CLASP1: variants seen among roughly 807,000 people sequenced by gnomAD.
CLASP1 encodes cytoplasmic linker associated protein 1.
In CLASP1, 38 loss-of-function variants were observed where a neutral mutation model predicts 192.3. The ratio of observed to expected loss-of-function variants is 0.20; its 90% CI spans 0.15 to 0.26. The LOEUF (loss-of-function observed/expected upper bound fraction) is 0.26, where lower values mean the gene tolerates loss of function less well. Among genes scored for constraint, CLASP1 ranks in the 10% least tolerant of loss-of-function variants. CLASP1 has a pLI of 1.00. For missense variants in CLASP1, 1,433 were observed against 1,932.5 expected, an observed-to-expected ratio of 0.74 and a Z score of 4.85; for synonymous variants, 691 against 712.8, an observed-to-expected ratio of 0.97 and a Z score of 0.49.
intron 28 of CLASP1, among the ~76,000 whole-genome samples, chr2:121,400,066 T>C (rs1297119225): frequency 2.0e-5 from 3 of 152,182 alleles, no homozygotes; most frequent in Non-Finnish European, 2.9e-5. Flanking sequence ...AGCCCCTCAG[T>C]CAATCTTGGC....
chr2:121,612,145 G>A (rs1283871174), intron 1 of CLASP1, among the ~76,000 whole-genome samples: 1 of 151,236 alleles, frequency 6.6e-6, no homozygotes, highest in Non-Finnish European at 1.5e-5. Flanking sequence ...AGAGGAACTG[G>A]AGGAGGAGGA....
intron 7 of CLASP1, among the ~76,000 whole-genome samples, chr2:121,513,915 G>A (rs924556885): frequency 1.8e-4 from 28 of 152,210 alleles, no homozygotes; most frequent in African/African-American, 6.3e-4. Flanking sequence ...CTCTCAGAAG[G>A]AAAGCAGGTA....
chr2:121,388,799 A>G (rs1216622882), intron 30 of CLASP1, among the ~76,000 whole-genome samples: 1 of 152,230 alleles, frequency 6.6e-6, no homozygotes, highest in African/African-American at 2.4e-5. Flanking sequence ...AAAGACATAA[A>G]AAACTGTCTG....
chr2:121,437,079 C>T (rs1559186590), intron 19 of CLASP1, among the ~76,000 whole-genome samples: 1 of 152,154 alleles, frequency 6.6e-6, no homozygotes, highest in African/African-American at 2.4e-5. Context: ...CCCCCTGCCC[C>T]AGCCTCACAA....
chr2:121,374,010 A>G (rs2069369941), intron 34 of CLASP1, among the ~76,000 whole-genome samples: 2 of 152,274 alleles, frequency 1.3e-5, no homozygotes, highest in African/African-American at 2.4e-5. Flanking sequence ...GGATGTTAAT[A>G]GCCAAGACAA....
At chr2:121,616,207 G>A (rs2066438415) in intron 1 of CLASP1, among the ~76,000 whole-genome samples, 1 of 152,140 alleles carries the variant, frequency 6.6e-6, no homozygotes, top group Admixed American at 6.6e-5. Context: ...AACACTTTGG[G>A]AGGCCAGGGC....
At chr2:121,490,272 C>T (rs1343019116) in intron 8 of CLASP1, 1 of 454,568 alleles carries the variant, frequency 2.2e-6, no homozygotes, top group South Asian at 1.6e-5. Context: ...GAATAGCCTA[C>T]CTTTCCCAGT....
intron 1 of CLASP1, among the ~76,000 whole-genome samples, chr2:121,611,016 G>A (rs2065335597): frequency 2.0e-5 from 3 of 146,446 alleles, no homozygotes; most frequent in Non-Finnish European, 4.5e-5. Context: ...AGGAGTTACA[G>A]GAGGAAGAGG....
At chr2:121,615,210 A>G (rs890222700) in intron 1 of CLASP1, among the ~76,000 whole-genome samples, 2 of 152,068 alleles carry the variant, frequency 1.3e-5, no homozygotes, top group African/African-American at 2.4e-5. Flanking sequence ...CATAGGGCGC[A>G]CGCCTGTAAT....
At chr2:121,447,240 G>A (rs2084528166) in intron 19 of CLASP1, 97 bp downstream of exon 19, 2 of 1,138,992 alleles carry the variant, frequency 1.8e-6, no homozygotes. Flanking sequence ...ACAACAGTGA[G>A]ACTTGCCTCA....
chr2:121,448,835 G>T, intron 17 of CLASP1, 118 bp downstream of exon 17: 1 of 984,360 alleles, frequency 1.0e-6, no homozygotes. Flanking sequence ...TCTACCTCAA[G>T]TAAGGGGGCG....
chr2:121,633,619 G>A (rs1286387546), intron 1 of CLASP1, among the ~76,000 whole-genome samples: 1 of 152,104 alleles, frequency 6.6e-6, no homozygotes, highest in African/African-American at 2.4e-5. Context: ...TTCTCAAAAT[G>A]AGAACATGAC....
chr2:121,532,394 G>T (rs1435258108), intron 2 of CLASP1: 1 of 152,208 alleles, frequency 6.6e-6, no homozygotes, highest in Non-Finnish European at 1.5e-5. Context: ...GTATGAAGTG[G>T]AGGAGTAACT....
At chr2:121,624,262 T>C (rs140498927) in intron 1 of CLASP1, among the ~76,000 whole-genome samples, 32 of 152,352 alleles carry the variant, frequency 2.1e-4, no homozygotes, top group African/African-American at 6.3e-4. Flanking sequence ...CTTTTTTTAA[T>C]ACAAGCATTT....
At chr2:121,418,969 G>T (rs1018292236) in intron 22 of CLASP1, among the ~76,000 whole-genome samples, 1 of 152,186 alleles carries the variant, frequency 6.6e-6, no homozygotes, top group East Asian at 1.9e-4. Context: ...TCAGTACGAA[G>T]GTGAAATTAC....
At chr2:121,639,101 C>T (rs1165587926) in intron 1 of CLASP1, among the ~76,000 whole-genome samples, 1 of 151,912 alleles carries the variant, frequency 6.6e-6, no homozygotes, top group Non-Finnish European at 1.5e-5. Flanking sequence ...ACAGTGAAAC[C>T]CTGTCTCTAC....
At chr2:121,475,064 A>G (rs181436893) in intron 8 of CLASP1, among the ~76,000 whole-genome samples, 1 of 152,320 alleles carries the variant, frequency 6.6e-6, no homozygotes, top group Admixed American at 6.5e-5. Context: ...AATCACATCT[A>G]TACAATAACA....
At position 121,383,931 on chromosome 2, in the gene CLASP1, A is replaced by G. The variant is rs532157732; in HGVS notation, c.3375-1607T>C. ...ATGTTTTACAAAAGTTTAACCTATT[A>G]TCTACAGCATCTCTACTACTACTGG... On this transcript the variant is annotated intron_variant, in intron 32 of 39. Transcript: ENST00000263710. Among the ~76,000 whole-genome samples, 29 of 151,188 alleles carry G rather than the reference A, an allele frequency of 1.9e-4. 1 individual carries two copies. The South Asian group carries it at 2.5e-3, about 13-fold the overall frequency.
chr2:121,578,677 G>A (rs1325344123), intron 2 of CLASP1, among the ~76,000 whole-genome samples: 4 of 148,972 alleles, frequency 2.7e-5, no homozygotes, highest in Admixed American at 6.7e-5. Context: ...GCAGTGAGCC[G>A]AGATTGCACC....
Sources: allele counts gnomAD v4.1 joint callset (sites outside exome capture counted in the v4.1 genomes callset), GRCh38; gene constraint gnomAD v4.1.1; transcripts MANE v1.5; gene names NCBI Gene and HGNC (gene_info 2026-07-23, HGNC 2026-07-21).